Variants in CDH13 observed in about 807,000 individuals in gnomAD.
CDH13 encodes the protein cadherin 13, also known as cadherin-13.
A neutral mutation model predicts 63.8 loss-of-function variants in CDH13; 24 were observed. The ratio of observed to expected loss-of-function variants is 0.38; its 90% CI spans 0.27 to 0.53. The LOEUF is 0.53. Ranked by LOEUF, CDH13 falls within the 20% of genes least tolerant of loss-of-function variation. The pLI is 0.85. For missense variants in CDH13, 1,049 were observed against 903.1 expected, an observed-to-expected ratio of 1.16 and a Z score of -2.07; for synonymous variants, 503 against 355.3, an observed-to-expected ratio of 1.42 and a Z score of -4.67.
chr16:83,160,745 G>C (rs1305053803), intron 4 of CDH13, among the ~76,000 whole-genome samples: 1 of 152,206 alleles, frequency 6.6e-6, no homozygotes, highest in African/African-American at 2.4e-5. Flanking sequence ...GGTATTAACT[G>C]ATGAGCTCAG....
chr16:82,887,162 C>T (rs183152912), intron 2 of CDH13, among the ~76,000 whole-genome samples: 5 of 152,062 alleles, frequency 3.3e-5, no homozygotes, highest in South Asian at 2.1e-4. Flanking sequence ...TTATCTTCAC[C>T]AATGGTCTAG....
intron 1 of CDH13, among the ~76,000 whole-genome samples, chr16:82,847,471 TCATAA>T (rs987227340): frequency 8.8e-4 from 134 of 152,314 alleles, no homozygotes; most frequent in African/African-American, 3.2e-3. Flanking sequence ...TGAGTTCATC[TCATAA>T]CATATCACTC....
chr16:83,209,033 C>G (rs2039260327), intron 4 of CDH13, among the ~76,000 whole-genome samples: 1 of 152,142 alleles, frequency 6.6e-6, no homozygotes, highest in Non-Finnish European at 1.5e-5. Context: ...GAACCCCTAT[C>G]AACTCCAGTG....
chr16:83,109,056 T>C (rs1725460840), intron 3 of CDH13, among the ~76,000 whole-genome samples: 1 of 152,162 alleles, frequency 6.6e-6, no homozygotes, highest in African/African-American at 2.4e-5. Flanking sequence ...TAGGGTCTGC[T>C]CCTGGGGAGC....
Position 83,537,502 on chromosome 16 carries a change from G to A in CDH13, c.960+50847G>A, listed in dbSNP as rs568080722. On this transcript the variant is annotated intron_variant, in intron 7 of 13. Transcript: ENST00000567109. Reference sequence around the variant, plus strand: ...ATGATTGTTTAATTCTTGGGGATTGGAATATGAGGGAGATAGGAAGAAAAG... The same window carrying A: ...ATGATTGTTTAATTCTTGGGGATTGAAATATGAGGGAGATAGGAAGAAAAG... 3.9e-5 allele frequency among the ~76,000 whole-genome samples: 6 copies of A among 152,242 alleles called. No homozygotes were observed. The South Asian group carries it at 1.2e-3, about 32-fold the overall frequency.
chr16:83,234,674 A>T (rs1031459302), intron 5 of CDH13, among the ~76,000 whole-genome samples: 1 of 152,070 alleles, frequency 6.6e-6, no homozygotes, highest in Non-Finnish European at 1.5e-5. Context: ...GGCACAAGGG[A>T]TTTTAGAGTG....
intron 2 of CDH13, among the ~76,000 whole-genome samples, chr16:82,880,379 A>G (rs1181467580): frequency 6.6e-6 from 1 of 152,144 alleles, no homozygotes; most frequent in Non-Finnish European, 1.5e-5. Context: ...ATTGCTTCAT[A>G]TATCGGTGGT....
chr16:83,076,017 T>C (rs1028821392), intron 3 of CDH13, among the ~76,000 whole-genome samples: 10 of 152,132 alleles, frequency 6.6e-5, no homozygotes, highest in Admixed American at 2.0e-4. Context: ...AAGGGAAGTA[T>C]GCAAAATGGC....
At chr16:82,692,962 C>T (rs1248704638) in intron 1 of CDH13, among the ~76,000 whole-genome samples, 1 of 152,104 alleles carries the variant, frequency 6.6e-6, no homozygotes, top group African/African-American at 2.4e-5. Context: ...CTTCTGTGAT[C>T]GTTTTACAAA....
At position 82,820,891 on chromosome 16, in the gene CDH13, T is replaced by A. The variant is rs184908440; in HGVS notation, c.46-37471T>A. ...AAATGTGGTAGATTATTTTCATTCA[T>A]ATGAATATGCCTGCCCTTTTCTCTG... On this transcript the variant is annotated intron_variant, in intron 1 of 13. Transcript: ENST00000567109. Among the ~76,000 whole-genome samples the A allele has an allele frequency of 5.2e-5, 7 of 133,970 alleles. No homozygotes were observed. The East Asian group carries it at 1.2e-3, about 23-fold the overall frequency. 87.9% of individuals were successfully genotyped at this position (133,970 alleles called of 152,430 possible).
chr16:83,157,759 A>G (rs1489000144), intron 4 of CDH13, among the ~76,000 whole-genome samples: 3 of 130,882 alleles, frequency 2.3e-5, no homozygotes, highest in Non-Finnish European at 4.9e-5. Context: ...AAAAAAAAAA[A>G]AAAATTATCT....
In CDH13 at chr16:83,464,400, T is replaced by C. The variant is rs888644082; in HGVS notation, c.782-22077T>C. Among the ~76,000 whole-genome samples, 4 of 152,092 alleles carry C rather than the reference T, an allele frequency of 2.6e-5. 1 individual carries two copies. Among genetic ancestry groups the C allele is most frequent in the African/African-American group, 9.7e-5 (4 of 41,432 alleles). ...GATGGCACATCCCTGTAATCCCAGC[T>C]ACTAAGGAGGCTGAAGCAGGAGAAT... On this transcript the variant is annotated intron_variant, in intron 6 of 13. Coordinates refer to ENST00000567109, the MANE Select transcript of CDH13 (RefSeq NM_001257.5).
intron 8 of CDH13, among the ~76,000 whole-genome samples, chr16:83,626,683 G>A (rs1031810557): frequency 3.3e-5 from 5 of 151,948 alleles, no homozygotes; most frequent in African/African-American, 9.7e-5. Flanking sequence ...TCTCTTTCTC[G>A]GAGGATGACT....
At chr16:82,832,120 A>T (rs2038566968) in intron 1 of CDH13, among the ~76,000 whole-genome samples, 1 of 152,208 alleles carries the variant, frequency 6.6e-6, no homozygotes, top group African/African-American at 2.4e-5. Flanking sequence ...GAAATATTTT[A>T]TGTATGAAGA....
At chr16:83,555,846 G>A (rs1440997123) in intron 7 of CDH13, among the ~76,000 whole-genome samples, 2 of 152,166 alleles carry the variant, frequency 1.3e-5, no homozygotes, top group Admixed American at 1.3e-4. Context: ...TTAGACAGTT[G>A]CAAGGACTGT....
intron 8 of CDH13, among the ~76,000 whole-genome samples, chr16:83,610,857 T>A (rs1021634281): frequency 4.6e-5 from 7 of 152,204 alleles, no homozygotes; most frequent in Non-Finnish European, 7.4e-5. Flanking sequence ...AATTGCTAAT[T>A]CAACTTCGGT....
chr16:83,501,328 G>A (rs190268076), intron 7 of CDH13, among the ~76,000 whole-genome samples: 96 of 152,250 alleles, frequency 6.3e-4, no homozygotes, highest in African/African-American at 2.0e-3. Flanking sequence ...ATTCTTTTAG[G>A]TATTTTCTCT....
intron 2 of CDH13, among the ~76,000 whole-genome samples, chr16:82,980,637 G>T (rs369438528): frequency 6.6e-6 from 1 of 152,152 alleles, no homozygotes; most frequent in East Asian, 1.9e-4. Context: ...TATGGTCTCC[G>T]TGTTCTCTAG....
intron 4 of CDH13, among the ~76,000 whole-genome samples, chr16:83,162,122 G>C (rs185263766): frequency 2.6e-5 from 4 of 152,142 alleles, no homozygotes; most frequent in Non-Finnish European, 5.9e-5. Flanking sequence ...GCATTTACAT[G>C]CCTGGTGCTT....
Sources: gnomAD v4.1 joint callset for allele counts (sites outside exome capture counted in the v4.1 genomes callset) on GRCh38, gnomAD v4.1.1 for gene constraint, MANE v1.5 for transcripts, NCBI Gene and HGNC (gene_info 2026-07-23, HGNC 2026-07-21) for gene names.